The following REDIC1 variants were observed in gnomAD, a reference collection of about 807,000 sequenced individuals.
REDIC1 encodes HEI10 Interacting Protein 1.
chr12:39,761,595 T>C, the REDIC1 span, among the ~76,000 whole-genome samples: 1 of 147,236 alleles, frequency 6.8e-6, no homozygotes, highest in African/African-American at 2.5e-5. Context: ...AGGGTGATAC[T>C]GATAAGCTAG....
the REDIC1 span, among the ~76,000 whole-genome samples, chr12:39,896,255 TGTATATGTGTGTATATATGTATAC>T: frequency 1.0e-5 from 1 of 99,052 alleles, no homozygotes; most frequent in Non-Finnish European, 2.3e-5. Flanking sequence ...TATACATGTA[TGTATATGTGTGTATATATGTATAC>T]ATGTATGTAT....
At chr12:39,869,477 A>G in the REDIC1 span, among the ~76,000 whole-genome samples, 1 of 152,174 alleles carries the variant, frequency 6.6e-6, no homozygotes, top group Non-Finnish European at 1.5e-5. Context: ...GCCACATAAT[A>G]AGGAAATCAA....
the REDIC1 span, among the ~76,000 whole-genome samples, chr12:39,898,693 G>A: frequency 6.6e-6 from 1 of 152,116 alleles, no homozygotes; most frequent in South Asian, 2.1e-4. Flanking sequence ...ACTGCAGATT[G>A]CAATCTCCCA....
the REDIC1 span, among the ~76,000 whole-genome samples, chr12:39,769,733 A>T: frequency 2.0e-5 from 3 of 151,932 alleles, no homozygotes; most frequent in Middle Eastern, 3.4e-3. Context: ...TACAATACAC[A>T]AGATCTCTCT....
chr12:39,692,775 A>G, the REDIC1 span, among the ~76,000 whole-genome samples: 34 of 152,062 alleles, frequency 2.2e-4, no homozygotes, highest in Non-Finnish European at 4.4e-5. Context: ...CCTTGCACAC[A>G]TGTATAAAAA....
the REDIC1 span, among the ~76,000 whole-genome samples, chr12:39,712,675 A>C: frequency 3.5e-5 from 5 of 143,060 alleles, no homozygotes; most frequent in Middle Eastern, 0.016. Flanking sequence ...ATACATGTGT[A>C]TATATGTATA....
chr12:39,738,893 T>C, the REDIC1 span, among the ~76,000 whole-genome samples: 4 of 152,146 alleles, frequency 2.6e-5, no homozygotes, highest in South Asian at 8.3e-4. Flanking sequence ...CTATGAGTCA[T>C]TTCTGAATTT....
chr12:39,863,749 A>C, the REDIC1 span, among the ~76,000 whole-genome samples: 1 of 152,164 alleles, frequency 6.6e-6, no homozygotes, highest in Non-Finnish European at 1.5e-5. Context: ...TCGTGCTATG[A>C]TGCCTATTTT....
the REDIC1 span, among the ~76,000 whole-genome samples, chr12:39,826,112 T>G: frequency 6.6e-6 from 1 of 152,138 alleles, no homozygotes. Flanking sequence ...TATATAAGCT[T>G]ACTGAATTTA....
chr12:39,744,435 T>G, the REDIC1 span, among the ~76,000 whole-genome samples: 2 of 152,226 alleles, frequency 1.3e-5, no homozygotes, highest in South Asian at 4.1e-4. Context: ...ATTTTTCTTA[T>G]TCTTAATTGA....
chr12:39,649,519 C>G, the REDIC1 span, among the ~76,000 whole-genome samples: 1 of 149,428 alleles, frequency 6.7e-6, no homozygotes, highest in Non-Finnish European at 1.5e-5. Flanking sequence ...AGTATAAGCT[C>G]TCTCTGACTT....
At chr12:39,676,972 A>G in the REDIC1 span, among the ~76,000 whole-genome samples, 1 of 152,040 alleles carries the variant, frequency 6.6e-6, no homozygotes, top group East Asian at 1.9e-4. Context: ...AATACACCAA[A>G]ATAGAACCTC....
the REDIC1 span, chr12:39,683,404 T>C: frequency 1.3e-6 from 2 of 1,565,548 alleles, no homozygotes; most frequent in Non-Finnish European, 8.8e-7. Context: ...TGCATACTTT[T>C]ATTTTTTAAG....
the REDIC1 span, among the ~76,000 whole-genome samples, chr12:39,641,426 C>G: frequency 6.6e-6 from 1 of 151,738 alleles, no homozygotes; most frequent in Non-Finnish European, 1.5e-5. Context: ...TACATGTGCC[C>G]TTTTGGATAT....
the REDIC1 span, among the ~76,000 whole-genome samples, chr12:39,687,689 A>G: frequency 6.6e-6 from 1 of 152,220 alleles, no homozygotes; most frequent in Non-Finnish European, 1.5e-5. Context: ...GATCCAAACC[A>G]TATCATCTTT....
At chr12:39,726,192 C>T in the REDIC1 span, among the ~76,000 whole-genome samples, 16 of 151,648 alleles carry the variant, frequency 1.1e-4, no homozygotes, top group African/African-American at 2.4e-4. Context: ...CTTCAAGTTC[C>T]GGACACAGGT....
the REDIC1 span, among the ~76,000 whole-genome samples, chr12:39,719,094 C>T: frequency 2.0e-5 from 3 of 151,950 alleles, no homozygotes; most frequent in East Asian, 1.9e-4. Flanking sequence ...AAGAACTGTA[C>T]GTAGATTTAG....
At chr12:39,635,830 G>A in the REDIC1 span, among the ~76,000 whole-genome samples, 5 of 151,838 alleles carry the variant, frequency 3.3e-5, no homozygotes, top group African/African-American at 9.7e-5. Flanking sequence ...AGGTTTTATG[G>A]TATTTATAAT....
the REDIC1 span, among the ~76,000 whole-genome samples, chr12:39,726,627 T>G: frequency 6.6e-6 from 1 of 152,328 alleles, no homozygotes; most frequent in South Asian, 2.1e-4. Flanking sequence ...TAAACACACA[T>G]GTGCATGTGT....
Sources: gnomAD v4.1 joint callset for allele counts (sites outside exome capture counted in the v4.1 genomes callset) on GRCh38, gnomAD v4.1.1 for gene constraint, MANE v1.5 for transcripts, NCBI Gene and HGNC (gene_info 2026-07-23, HGNC 2026-07-21) for gene names.